Variants in GLRA2 observed in about 807,000 individuals in gnomAD.
GLRA2 encodes glycine receptor subunit alpha-2.
Under a neutral mutation model 31.6 loss-of-function variants are expected in GLRA2, and 11 were observed. The observed-to-expected ratio is 0.35, with a 90% CI of 0.22 to 0.58. The LOEUF is 0.58. Ranked by LOEUF, GLRA2 falls within the 20% of genes least tolerant of loss-of-function variation. The probability of loss-of-function intolerance (pLI) is 0.84; values close to 1 mark genes in which losing one functional copy is unlikely to be tolerated. For missense variants in GLRA2, 212 were observed against 351.8 expected, an observed-to-expected ratio of 0.60 and a Z score of 3.18; for synonymous variants, 132 against 134.0, an observed-to-expected ratio of 0.99 and a Z score of 0.10.
At chrX:14,558,085 C>T (rs1433891155) in intron 2 of GLRA2, among the ~76,000 whole-genome samples, 1 of 111,814 alleles carries the variant, frequency 8.9e-6, no homozygotes, top group Non-Finnish European at 1.9e-5. Context: ...GGCATTATTT[C>T]AGTAAAGATT....
intron 8 of GLRA2, among the ~76,000 whole-genome samples, chrX:14,728,609 G>C (rs2091954571): frequency 8.9e-6 from 1 of 111,785 alleles, no homozygotes; most frequent in Admixed American, 9.5e-5. Context: ...TTGCCAGGTT[G>C]CAATGGAATG....
chrX:14,608,128 G>GT (rs1034392832), intron 6 of GLRA2, among the ~76,000 whole-genome samples: 7 of 110,617 alleles, frequency 6.3e-5, no homozygotes, highest in African/African-American at 2.3e-4. Context: ...TTCCAAGGAT[G>GT]TTTTTTTTCT....
At chrX:14,560,797 C>CAAAAAA (rs760583127) in intron 2 of GLRA2, among the ~76,000 whole-genome samples, 34 of 41,219 alleles carry the variant, frequency 8.2e-4, no homozygotes, top group Non-Finnish European at 1.0e-3. Context: ...GACCCTGTCT[C>CAAAAAA]AAAAAAAAAA....
intron 7 of GLRA2, among the ~76,000 whole-genome samples, chrX:14,685,649 G>C (rs1326039850): frequency 1.8e-5 from 2 of 111,546 alleles, no homozygotes; most frequent in Admixed American, 9.5e-5. Flanking sequence ...ATTTCTGTGG[G>C]ATCGGTGGTG....
chrX:14,527,168 G>A (rs1422428080), upstream of GLRA2, among the ~76,000 whole-genome samples: 2 of 111,569 alleles, frequency 1.8e-5, no homozygotes, highest in African/African-American at 3.3e-5. Flanking sequence ...GGAGAGCTGA[G>A]AAATCAAATG....
chrX:14,605,937 G>C (rs1160003490), intron 5 of GLRA2, among the ~76,000 whole-genome samples: 2 of 109,993 alleles, frequency 1.8e-5, no homozygotes, highest in African/African-American at 6.6e-5. Flanking sequence ...CACACAGATA[G>C]GGTTTGCCAT....
chrX:14,628,482 C>T (rs1354838696), intron 7 of GLRA2, among the ~76,000 whole-genome samples: 1 of 111,489 alleles, frequency 9.0e-6, no homozygotes, highest in Non-Finnish European at 1.9e-5. Context: ...TCAGAGAGCT[C>T]ACATCCCACT....
chrX:14,496,889 C>T, the GLRA2 span, among the ~76,000 whole-genome samples: 2 of 111,832 alleles, frequency 1.8e-5, no homozygotes, highest in Non-Finnish European at 3.8e-5. Context: ...CAGCTGGTTA[C>T]TAGGCAACTT....
chrX:14,660,517 T>C (rs1450276114), intron 7 of GLRA2, among the ~76,000 whole-genome samples: 1 of 111,655 alleles, frequency 9.0e-6, no homozygotes, highest in Non-Finnish European at 1.9e-5. Context: ...AGCTGCATGG[T>C]ATGACTTAGG....
chrX:14,481,892 A>C, the GLRA2 span, among the ~76,000 whole-genome samples: 1 of 111,066 alleles, frequency 9.0e-6, no homozygotes. Context: ...CCACTTTAAC[A>C]TCTAAGACTG....
intron 2 of GLRA2, among the ~76,000 whole-genome samples, chrX:14,566,425 A>T (rs1294828056): frequency 8.9e-6 from 1 of 112,085 alleles, no homozygotes; most frequent in Non-Finnish European, 1.9e-5. Context: ...AGGAGGAAAC[A>T]CTTGTTAACT....
chrX:14,659,182 G>A (rs2090968707), intron 7 of GLRA2, among the ~76,000 whole-genome samples: 1 of 112,061 alleles, frequency 8.9e-6, no homozygotes. Flanking sequence ...TACATCTATG[G>A]CTGCTTTTGC....
At chrX:14,596,052 T>G (rs1254818053) in intron 4 of GLRA2, among the ~76,000 whole-genome samples, 2 of 111,382 alleles carry the variant, frequency 1.8e-5, no homozygotes, top group African/African-American at 6.5e-5. Context: ...CAATAGGACC[T>G]AGAGCTAGTC....
intron 7 of GLRA2, among the ~76,000 whole-genome samples, chrX:14,661,910 A>G (rs1301905883): frequency 1.8e-5 from 2 of 108,577 alleles, no homozygotes; most frequent in Non-Finnish European, 1.9e-5. Context: ...ACATTTGCCA[A>G]TATCATCCAC....
chrX:14,624,076 G>A (rs75117114), intron 7 of GLRA2, among the ~76,000 whole-genome samples: 2 of 111,366 alleles, frequency 1.8e-5, no homozygotes, highest in African/African-American at 6.5e-5. Flanking sequence ...TGTCTTGGGA[G>A]GGTGTATGTA....
intron 7 of GLRA2, among the ~76,000 whole-genome samples, chrX:14,670,041 A>G (rs1368172635): frequency 1.8e-5 from 2 of 111,995 alleles, no homozygotes; most frequent in Non-Finnish European, 3.8e-5. Flanking sequence ...TGCTGCTTAG[A>G]AATTTCTTCT....
intron 1 of GLRA2, chrX:14,531,144 T>C: frequency 1.1e-6 from 1 of 943,413 alleles, no homozygotes; most frequent in Non-Finnish European, 1.4e-6. Context: ...AATCAAATAA[T>C]ACTTGATTAA....
chrX:14,459,304 C>T, the GLRA2 span, among the ~76,000 whole-genome samples: 7 of 111,337 alleles, frequency 6.3e-5, no homozygotes, highest in South Asian at 3.8e-4. Context: ...AGTCAGGTAG[C>T]GTGATGCCTC....
At position 14,557,102 on chromosome X, in the gene GLRA2, C is replaced by CTTTT. The variant is rs58282642; in HGVS notation, c.203-17203_203-17200dup. On this transcript the variant is annotated intron_variant, in intron 2 of 8. Coordinates refer to ENST00000218075, the MANE Select transcript of GLRA2 (RefSeq NM_002063.4). Reference sequence around the variant, plus strand: ...TGCCATGTCTTCACCTAAAGTATTTCTTTTTTTTTTTTTTTTTTTTTTTTT... The same window carrying CTTTT: ...TGCCATGTCTTCACCTAAAGTATTTCTTTTTTTTTTTTTTTTTTTTTTTTTTTTT... Among the ~76,000 whole-genome samples the CTTTT allele has an allele frequency of 2.5e-3, 114 of 46,342 alleles. 6 individuals carry two copies. Among genetic ancestry groups the CTTTT allele is most frequent in the African/African-American group, 5.3e-3 (55 of 10,465 alleles). 40.2% of individuals were successfully genotyped at this position (46,342 alleles called of 115,157 possible).
Sources: gnomAD v4.1 joint callset for allele counts (sites outside exome capture counted in the v4.1 genomes callset) on GRCh38, gnomAD v4.1.1 for gene constraint, MANE v1.5 for transcripts, NCBI Gene and HGNC (gene_info 2026-07-23, HGNC 2026-07-21) for gene names.